TSPEAR: variants seen among roughly 807,000 people sequenced by gnomAD.
TSPEAR encodes the protein thrombospondin-type laminin G domain and EAR repeat-containing protein.
TSPEAR carries 69 observed loss-of-function variants against 71.6 expected under a neutral mutation model. The observed-to-expected ratio is 0.96, with a 90% CI of 0.79 to 1.18. The LOEUF (loss-of-function observed/expected upper bound fraction) is 1.18. TSPEAR is among the 50% of genes most tolerant of loss of function. TSPEAR has a pLI of 0.00. For synonymous variants in TSPEAR, 402 were observed against 387.2 expected (o/e 1.04, Z -0.45); for missense variants, 971 against 894.9 (o/e 1.09, Z -1.09).
Position 44,509,301 on chromosome 21 carries a change from T to C in TSPEAR, c.1652A>G (p.Glu551Gly). ...AVANSHSYDVEMQVQNDSYVI... is the reference protein window; with the variant it reads ...AVANSHSYDVGMQVQNDSYVI... Reference sequence around the variant, plus strand: ...ATAGGAATCATTCTGGACTTGCATCTCCACATCGTAGCTGTGACTGTTTGC... The same window carrying C: ...ATAGGAATCATTCTGGACTTGCATCCCCACATCGTAGCTGTGACTGTTTGC... Residue 551 changes from glutamate (E) to glycine (G), a missense_variant, in exon 10 of 12, where the codon GAG (glutamate) becomes GGG (glycine). Physicochemically the swap from Glu to Gly is moderately conservative, Grantham distance 98 (BLOSUM62 -2). Coordinates refer to ENST00000323084, the MANE Select transcript of TSPEAR (RefSeq NM_144991.3). 6.2e-7 allele frequency: 1 copy of C among 1,614,072 alleles called. No individual in the cohort carries two copies. Among genetic ancestry groups the C allele is most frequent in the Non-Finnish European group, 8.5e-7 (1 of 1,180,014 alleles).
At chr21:44,548,730 C>T (rs1463361249) in intron 2 of TSPEAR, among the ~76,000 whole-genome samples, 1 of 152,164 alleles carries the variant, frequency 6.6e-6, no homozygotes, top group East Asian at 1.9e-4. Flanking sequence ...CCTCACAGTT[C>T]CCCGCTGCAC....
In TSPEAR at chr21:44,499,602, CAG is replaced by C. The variant is rs2051986828; in HGVS notation, c.*179_*180del. The C allele has an allele frequency of 5.0e-6, 3 of 595,108 alleles. No individual in the cohort carries two copies. The highest frequency in any genetic ancestry group is 3.5e-5 in the Admixed American group (1 of 28,206). 36.9% of individuals were successfully genotyped at this position (595,108 alleles called of 1,614,324 possible). On this transcript the variant is annotated 3_prime_UTR_variant, in exon 12 of 12. Transcript: ENST00000323084. ...ACTGGGGCTGTGGCTCAGAAGGACT[CAG>C]AGGTGGATGGATGTCCCTGCCCGAA...
At chr21:44,550,511 T>A (rs1423567618) in intron 2 of TSPEAR, 1 of 949,526 alleles carries the variant, frequency 1.1e-6, no homozygotes, top group Non-Finnish European at 1.6e-6. Flanking sequence ...AAGCCAGGGC[T>A]CGCCCGCCCG....
At position 44,541,371 on chromosome 21, in the gene TSPEAR, C is replaced by A. The variant is rs1328594533; in HGVS notation, c.304-7448G>T. 2.0e-5 allele frequency among the ~76,000 whole-genome samples: 3 copies of A among 152,198 alleles called. No homozygotes were observed. In the East Asian group the frequency reaches 5.8e-4, roughly 29 times the overall value. On this transcript the variant is annotated intron_variant, in intron 2 of 11. Coordinates refer to ENST00000323084, the MANE Select transcript of TSPEAR (RefSeq NM_144991.3). Reference sequence around the variant, plus strand: ...AAAATGCTCTGTCAAGTTCTCCTTTCGTGTGTGGGGAACTGGCTTACATCA... The same window carrying A: ...AAAATGCTCTGTCAAGTTCTCCTTTAGTGTGTGGGGAACTGGCTTACATCA...
At chr21:44,526,633 G>A (rs117550190) in intron 7 of TSPEAR, among the ~76,000 whole-genome samples, 2 of 152,404 alleles carry the variant, frequency 1.3e-5, no homozygotes, top group East Asian at 1.9e-4. Context: ...GCAGGGCCTG[G>A]TGGGCCTCCT....
At position 44,534,011 on chromosome 21, in the gene TSPEAR, G is replaced by A. The variant is rs1260712767; in HGVS notation, c.304-88C>T. ...CAGATGGGAATGGCAGAGGTGATGA[G>A]CACAGGTGGTGAGAGGAGCAGGGGC... On this transcript the variant is annotated intron_variant, in intron 2 of 11. Coordinates refer to ENST00000323084, the MANE Select transcript of TSPEAR (RefSeq NM_144991.3). 4.1e-6 allele frequency: 4 copies of A among 976,540 alleles called. No homozygotes were observed. In the African/African-American group the frequency reaches 4.9e-5, roughly 12 times the overall value. 60.5% of individuals were successfully genotyped at this position (976,540 alleles called of 1,614,324 possible).
At chr21:44,524,884 TAGTC>T (rs1203939472) in intron 8 of TSPEAR, among the ~76,000 whole-genome samples, 1 of 140,474 alleles carries the variant, frequency 7.1e-6, no homozygotes, top group South Asian at 2.1e-4. Context: ...GTCAGGTAGT[TAGTC>T]AGGTAATCAG....
At chr21:44,641,541 C>T (rs939176559) in intron 1 of TSPEAR, among the ~76,000 whole-genome samples, 6 of 152,078 alleles carry the variant, frequency 3.9e-5, no homozygotes, top group African/African-American at 9.7e-5. Flanking sequence ...TGATCCTAAC[C>T]GGGATCGCAG....
intron 1 of TSPEAR, chr21:44,601,694 C>A (rs782544564): frequency 1.2e-6 from 2 of 1,612,284 alleles, no homozygotes; most frequent in Non-Finnish European, 1.7e-6. Flanking sequence ...TCCCGCCCGG[C>A]CTGCTGTGGC....
intron 1 of TSPEAR, chr21:44,601,394 C>T (rs1555928734): frequency 6.2e-7 from 1 of 1,612,562 alleles, no homozygotes; most frequent in Non-Finnish European, 8.5e-7. Flanking sequence ...TGCTGCACCT[C>T]CTCCCAAAGC....
intron 1 of TSPEAR, among the ~76,000 whole-genome samples, chr21:44,684,818 C>T (rs1236288061): frequency 2.6e-5 from 4 of 152,252 alleles, no homozygotes; most frequent in Non-Finnish European, 4.4e-5. Context: ...CATCCTCATT[C>T]TTCTGTAGTC....
intron 8 of TSPEAR, 73 bp from the exon 9 acceptor site, chr21:44,522,185 A>T: frequency 6.9e-7 from 1 of 1,457,036 alleles, no homozygotes; most frequent in South Asian, 1.2e-5. Flanking sequence ...ACGGAGGCAG[A>T]GCCCAGTCCA....
In TSPEAR at chr21:44,601,327, C is replaced by T. The variant is rs782234444; in HGVS notation, c.83-33322G>A. Reference sequence around the variant, plus strand: ...CTGCTGTGTGCCTGTCTGCTGCAAGCCCGTCTGCTGTGTGCCCACCTGCTC... The same window carrying T: ...CTGCTGTGTGCCTGTCTGCTGCAAGTCCGTCTGCTGTGTGCCCACCTGCTC... On this transcript the variant is annotated intron_variant, in intron 1 of 11. Transcript: ENST00000323084. 2.9e-5 allele frequency: 46 copies of T among 1,611,458 alleles called. No homozygotes were observed. The Middle Eastern group carries it at 6.6e-4, about 23-fold the overall frequency.
In TSPEAR at chr21:44,599,379, A is replaced by T. The variant is rs191138384; in HGVS notation, c.83-31374T>A. 2.6e-4 allele frequency among the ~76,000 whole-genome samples: 40 copies of T among 152,326 alleles called. 1 individual carries two copies. In the East Asian group the frequency reaches 7.5e-3, roughly 29 times the overall value. On this transcript the variant is annotated intron_variant, in intron 1 of 11. Coordinates refer to ENST00000323084, the MANE Select transcript of TSPEAR (RefSeq NM_144991.3). ...TGGGAAACACAGATAGAGACACAGGACACCCTGAGCCTCTGAGACTTGCCT... is the reference window on the plus strand; with the variant it reads ...TGGGAAACACAGATAGAGACACAGGTCACCCTGAGCCTCTGAGACTTGCCT...
intron 1 of TSPEAR, among the ~76,000 whole-genome samples, chr21:44,609,411 C>T (rs782338516): frequency 1.3e-5 from 2 of 152,100 alleles, no homozygotes; most frequent in Non-Finnish European, 2.9e-5. Flanking sequence ...ATGTGCTCCA[C>T]CAAAACAAGG....
At chr21:44,706,954 C>T (rs963179783) in intron 1 of TSPEAR, among the ~76,000 whole-genome samples, 24 of 152,344 alleles carry the variant, frequency 1.6e-4, no homozygotes, top group African/African-American at 5.3e-4. Context: ...CCCCCCACCC[C>T]CAACCCCTCC....
intron 1 of TSPEAR, among the ~76,000 whole-genome samples, chr21:44,636,609 C>G (rs1330686915): frequency 1.3e-5 from 2 of 152,168 alleles, no homozygotes; most frequent in African/African-American, 2.4e-5. Flanking sequence ...GTGGCCCCAT[C>G]TGACACTTTT....
chr21:44,682,274 C>T (rs1986641944), intron 1 of TSPEAR: 17 of 903,024 alleles, frequency 1.9e-5, no homozygotes, highest in Non-Finnish European at 2.7e-5. Flanking sequence ...AAGGCTGTTT[C>T]CTGGAACTCA....
At chr21:44,547,679 T>C (rs2053323400) in intron 2 of TSPEAR, among the ~76,000 whole-genome samples, 1 of 152,224 alleles carries the variant, frequency 6.6e-6, no homozygotes, top group Admixed American at 6.5e-5. Flanking sequence ...AATCAAAAAA[T>C]TGTTTTTCTT....
Sources: gnomAD v4.1 joint callset for allele counts (sites outside exome capture counted in the v4.1 genomes callset) on GRCh38, gnomAD v4.1.1 for gene constraint, MANE v1.5 for transcripts, NCBI Gene and HGNC (gene_info 2026-07-23, HGNC 2026-07-21) for gene names.